VRK2: variants seen among roughly 807,000 people sequenced by gnomAD.
VRK2 encodes the protein VRK serine/threonine kinase 2, also known as serine/threonine-protein kinase VRK2.
In VRK2, 60 loss-of-function variants were observed where a neutral mutation model predicts 57.6. The observed-to-expected ratio is 1.04, with a 90% CI of 0.85 to 1.29. The LOEUF (loss-of-function observed/expected upper bound fraction) is 1.29. VRK2 is among the 50% of genes most tolerant of loss of function. VRK2 has a pLI of 0.00. For missense variants in VRK2, 705 were observed against 588.1 expected, an observed-to-expected ratio of 1.20 and a Z score of -2.06; for synonymous variants, 231 against 199.2, an observed-to-expected ratio of 1.16 and a Z score of -1.35.
chr2:57,935,660 T>C (rs553187027), intron 1 of VRK2, among the ~76,000 whole-genome samples: 1 of 151,506 alleles, frequency 6.6e-6, no homozygotes, highest in African/African-American at 2.4e-5. Context: ...TTCTCTGCTC[T>C]CATTCTCTCC....
intron 2 of VRK2, among the ~76,000 whole-genome samples, chr2:58,078,952 C>T (rs1440931519): frequency 6.6e-6 from 1 of 152,126 alleles, no homozygotes; most frequent in African/African-American, 2.4e-5. Context: ...GGATTACAGG[C>T]ATGAGCCACT....
intron 12 of VRK2, among the ~76,000 whole-genome samples, chr2:58,147,800 GTTT>G (rs55745402): frequency 3.8e-5 from 5 of 132,730 alleles, no homozygotes; most frequent in African/African-American, 8.3e-5. Flanking sequence ...TTCACTCAGT[GTTT>G]TTTTTTTTTT....
At chr2:57,940,474 TCA>T (rs1385051213) in intron 1 of VRK2, among the ~76,000 whole-genome samples, 1 of 152,136 alleles carries the variant, frequency 6.6e-6, no homozygotes, top group Non-Finnish European at 1.5e-5. Context: ...GGAAACACCC[TCA>T]CAGACAAAAC....
At position 57,925,482 on chromosome 2, in the gene VRK2, G is replaced by A. The variant is rs1482516554; in HGVS notation, c.-439+17643G>A. On this transcript the variant is annotated intron_variant, in intron 1 of 15. Coordinates refer to the VRK2 transcript ENST00000417641. Reference sequence around the variant, plus strand: ...TTCTTCTGGATTTTCCAATTTATTGGCATATAGTTGCTTATAGTAGCTTCT... The same window carrying A: ...TTCTTCTGGATTTTCCAATTTATTGACATATAGTTGCTTATAGTAGCTTCT... Among the ~76,000 whole-genome samples the A allele has an allele frequency of 2.6e-5, 4 of 151,908 alleles. No individual in the cohort carries two copies. In the East Asian group the frequency reaches 7.7e-4, roughly 29 times the overall value.
chr2:58,140,350 G>A (rs960187466), intron 11 of VRK2, among the ~76,000 whole-genome samples: 1 of 151,780 alleles, frequency 6.6e-6, no homozygotes, highest in Non-Finnish European at 1.5e-5. Flanking sequence ...CTTTTAGTCT[G>A]CCATCTTCCC....
At chr2:58,024,081 G>C (rs1673847116) in intron 1 of VRK2, among the ~76,000 whole-genome samples, 1 of 151,782 alleles carries the variant, frequency 6.6e-6, no homozygotes, top group African/African-American at 2.4e-5. Context: ...CGCCTCCCGG[G>C]TTCACGTCAT....
chr2:58,130,098 CAATT>C (rs1558674151), intron 8 of VRK2, among the ~76,000 whole-genome samples: 3 of 152,232 alleles, frequency 2.0e-5, no homozygotes, highest in Non-Finnish European at 4.4e-5. Flanking sequence ...AGCTTCATAT[CAATT>C]AATCCCTCAA....
At chr2:57,949,505 G>A (rs1447002097) in intron 1 of VRK2, among the ~76,000 whole-genome samples, 2 of 152,052 alleles carry the variant, frequency 1.3e-5, no homozygotes, top group East Asian at 1.9e-4. Flanking sequence ...CATGGACCGC[G>A]CCTACATAAA....
intron 7 of VRK2, among the ~76,000 whole-genome samples, chr2:58,111,938 T>G (rs1675633033): frequency 6.6e-6 from 1 of 152,204 alleles, no homozygotes; most frequent in Non-Finnish European, 1.5e-5. Context: ...CTGTTACATT[T>G]TCTTCTCTTT....
At chr2:57,936,300 T>G (rs1670901965) in intron 1 of VRK2, among the ~76,000 whole-genome samples, 1 of 152,196 alleles carries the variant, frequency 6.6e-6, no homozygotes, top group Non-Finnish European at 1.5e-5. Context: ...TCAACATAAT[T>G]TCTCTTGAAC....
intron 12 of VRK2, among the ~76,000 whole-genome samples, chr2:58,157,484 C>T (rs980565059): frequency 1.3e-5 from 2 of 152,134 alleles, no homozygotes; most frequent in African/African-American, 4.8e-5. Flanking sequence ...CCAGAAATTG[C>T]TAAATGTCCT....
At chr2:58,073,648 A>ATATTTATATT (rs1553394560) in intron 2 of VRK2, among the ~76,000 whole-genome samples, 85 of 142,228 alleles carry the variant, frequency 6.0e-4, no homozygotes, top group African/African-American at 2.1e-3. Context: ...ATATATATAT[A>ATATTTATATT]TATATTTATA....
rs148096312 is a variant in VRK2 at position 57,968,268 on chromosome 2, A to T, written c.-438-57397A>T. Reference sequence around the variant, plus strand: ...ACGAAAGAAAGAAAACTACGGAAAAAGAATAAACATATGAACTATAAATAA... The same window carrying T: ...ACGAAAGAAAGAAAACTACGGAAAATGAATAAACATATGAACTATAAATAA... On this transcript the variant is annotated intron_variant, in intron 1 of 15. Transcript: ENST00000417641. 3.0e-3 allele frequency among the ~76,000 whole-genome samples: 452 copies of T among 152,162 alleles called. 3 individuals are homozygous for T. Among genetic ancestry groups the T allele is most frequent in the Middle Eastern group, 0.014 (4 of 294 alleles).
At chr2:58,021,609 A>C (rs953691211) in intron 1 of VRK2, among the ~76,000 whole-genome samples, 1 of 152,128 alleles carries the variant, frequency 6.6e-6, no homozygotes, top group Non-Finnish European at 1.5e-5. Context: ...TTCCATATAG[A>C]CATCTGTTAA....
At position 58,137,221 on chromosome 2, in the gene VRK2, T is replaced by TC. The variant is rs372450502; in HGVS notation, c.856+2022_856+2023insC. On this transcript the variant is annotated intron_variant, in intron 10 of 12. Transcript: ENST00000340157. ...ATATATCTCATATATGATACATATA[T>TC]ATCATATGATACATATATATCATAT... Among the ~76,000 whole-genome samples the TC allele has an allele frequency of 2.3e-3, 121 of 52,652 alleles. 2 individuals carry two copies. The highest frequency in any genetic ancestry group is 4.5e-3 in the African/African-American group (37 of 8,190). 34.5% of individuals were successfully genotyped at this position (52,652 alleles called of 152,430 possible). A position where few individuals can be genotyped will look rare whatever the true frequency, so the allele number is the denominator to read the frequency against.
intron 1 of VRK2, among the ~76,000 whole-genome samples, chr2:57,934,731 A>G (rs1670849014): frequency 6.6e-6 from 1 of 151,424 alleles, no homozygotes; most frequent in African/African-American, 2.4e-5. Context: ...GGTGTCCCAT[A>G]CCTCCCATAG....
chr2:57,995,440 A>G (rs1363269754), intron 1 of VRK2, among the ~76,000 whole-genome samples: 1 of 152,234 alleles, frequency 6.6e-6, no homozygotes, highest in Non-Finnish European at 1.5e-5. Context: ...ATTATTGGCA[A>G]CAAATACTGT....
chr2:57,977,702 C>T (rs1672293878), intron 1 of VRK2, among the ~76,000 whole-genome samples: 1 of 151,152 alleles, frequency 6.6e-6, no homozygotes, highest in Non-Finnish European at 1.5e-5. Context: ...ATTTGAATGC[C>T]TTTTATTTCT....
intron 11 of VRK2, among the ~76,000 whole-genome samples, chr2:58,140,479 C>G (rs1331152288): frequency 6.6e-6 from 1 of 152,006 alleles, no homozygotes; most frequent in African/African-American, 2.4e-5. Flanking sequence ...GCATCCATGT[C>G]TTCCTTGACC....
Sources: allele counts gnomAD v4.1 joint callset (sites outside exome capture counted in the v4.1 genomes callset), GRCh38; gene constraint gnomAD v4.1.1; transcripts MANE v1.5; gene names NCBI Gene and HGNC (gene_info 2026-07-23, HGNC 2026-07-21).